The following MSI2 variants were observed in gnomAD, a reference collection of about 807,000 sequenced individuals.
MSI2 encodes the protein musashi RNA binding protein 2, also known as RNA-binding protein Musashi homolog 2.
A neutral mutation model predicts 45.6 loss-of-function variants in MSI2; 17 were observed. That is an observed-to-expected ratio of 0.37 (90% confidence interval 0.26 to 0.56). MSI2 has a LOEUF of 0.56. Ranked by LOEUF, MSI2 falls within the 20% of genes least tolerant of loss-of-function variation. The pLI is 0.77. For synonymous variants in MSI2, 156 were observed against 158.2 expected, an observed-to-expected ratio of 0.99 and a Z score of 0.11; for missense variants, 293 against 444.2, an observed-to-expected ratio of 0.66 and a Z score of 3.06.
rs1446170707 is a variant in MSI2 at position 57,683,719 on chromosome 17, C to CT, written c.*4204dup. On this transcript the variant is annotated 3_prime_UTR_variant, in exon 14 of 14. Coordinates refer to ENST00000284073, the MANE Select transcript of MSI2 (RefSeq NM_138962.4). The surrounding 1 kb of genome is among the most constrained non-coding windows in gnomAD (Gnocchi z 5.2). ...GAATGTGCTTCGCAAGCCAGGCTAT[C>CT]TTCCAAGGAAGGCAGACAGTGGGAG... 9.0e-6 allele frequency: 2 copies of CT among 223,250 alleles called. No individual in the cohort carries two copies. The highest frequency in any genetic ancestry group is 4.6e-5 in the African/African-American group (2 of 43,548). 13.8% of individuals were successfully genotyped at this position (223,250 alleles called of 1,614,324 possible).
At chr17:57,328,763 A>G (rs901673772) in intron 5 of MSI2, among the ~76,000 whole-genome samples, 2 of 150,298 alleles carry the variant, frequency 1.3e-5, no homozygotes, top group Non-Finnish European at 3.0e-5. Flanking sequence ...CACTTGTTTG[A>G]TTATTGCCTG....
rs551311526 is a variant in MSI2 at position 57,482,088 on chromosome 17, G to A, written c.406-47588G>A. 4.6e-5 allele frequency among the ~76,000 whole-genome samples: 7 copies of A among 152,218 alleles called. No homozygotes were observed. In the South Asian group the frequency reaches 1.2e-3, roughly 27 times the overall value. On this transcript the variant is annotated intron_variant, in intron 6 of 13. Transcript: ENST00000284073. Reference sequence around the variant, plus strand: ...AGATAATGCATTACGTACAACCTTCGGCCACATGATAAATTGCCTGTTTAT... The same window carrying A: ...AGATAATGCATTACGTACAACCTTCAGCCACATGATAAATTGCCTGTTTAT...
At chr17:57,499,918 A>G (rs2086065374) in intron 6 of MSI2, among the ~76,000 whole-genome samples, 1 of 151,464 alleles carries the variant, frequency 6.6e-6, no homozygotes, top group South Asian at 2.1e-4. Flanking sequence ...AAATGTTTCC[A>G]CAGACAAGGC....
At chr17:57,515,886 G>A (rs2086460321) in intron 6 of MSI2, among the ~76,000 whole-genome samples, 1 of 152,018 alleles carries the variant, frequency 6.6e-6, no homozygotes, top group Non-Finnish European at 1.5e-5. Context: ...GCCCCCTTGT[G>A]GTTTCTTTTT....
intron 7 of MSI2, among the ~76,000 whole-genome samples, chr17:57,581,649 G>T (rs559226843): frequency 6.6e-5 from 10 of 152,302 alleles, no homozygotes; most frequent in African/African-American, 1.9e-4. Context: ...GAGGGGCTGA[G>T]GGTGAACCCC....
chr17:57,434,347 G>T (rs371095426), intron 6 of MSI2, among the ~76,000 whole-genome samples: 1 of 152,138 alleles, frequency 6.6e-6, no homozygotes, highest in Non-Finnish European at 1.5e-5. Flanking sequence ...CAATCTGCCC[G>T]CCTCGGCCTC....
intron 5 of MSI2, chr17:57,263,990 C>T (rs2143203865): frequency 6.6e-6 from 1 of 152,386 alleles, no homozygotes; most frequent in East Asian, 1.9e-4. Context: ...TCTCCTGGGG[C>T]ATTTGGCTGT....
At chr17:57,488,229 T>G (rs1215664984) in intron 6 of MSI2, among the ~76,000 whole-genome samples, 4 of 151,834 alleles carry the variant, frequency 2.6e-5, no homozygotes, top group Non-Finnish European at 5.9e-5. Flanking sequence ...CAACATCAGC[T>G]CCCTTCTCCT....
chr17:57,632,941 C>T, intron 10 of MSI2: 1 of 1,056,202 alleles, frequency 9.5e-7, no homozygotes, highest in East Asian at 5.3e-5. Context: ...GCAGGCTTTT[C>T]CATGAGTATT....
chr17:57,372,619 T>A (rs2083436898), intron 5 of MSI2, among the ~76,000 whole-genome samples: 1 of 152,250 alleles, frequency 6.6e-6, no homozygotes, highest in Admixed American at 6.5e-5. Context: ...CTGTTTCTTT[T>A]ATTACACATT....
intron 5 of MSI2, among the ~76,000 whole-genome samples, chr17:57,314,166 G>A (rs1399458700): frequency 6.6e-6 from 1 of 152,122 alleles, no homozygotes; most frequent in African/African-American, 2.4e-5. Flanking sequence ...GAGTGCACAT[G>A]TATAAATTGT....
chr17:57,479,537 T>A (rs1212586669), intron 6 of MSI2, among the ~76,000 whole-genome samples: 1 of 152,200 alleles, frequency 6.6e-6, no homozygotes, highest in Admixed American at 6.5e-5. Flanking sequence ...AAATGATAAT[T>A]ATATTTAATT....
intron 7 of MSI2, among the ~76,000 whole-genome samples, chr17:57,582,296 GC>G (rs1261854786): frequency 4.6e-5 from 7 of 151,768 alleles, no homozygotes; most frequent in South Asian, 2.1e-4. Flanking sequence ...TTAGCATGCC[GC>G]CCCCCAATAT....
chr17:57,431,675 T>C (rs1258146387), intron 6 of MSI2, among the ~76,000 whole-genome samples: 1 of 152,254 alleles, frequency 6.6e-6, no homozygotes, highest in African/African-American at 2.4e-5. Flanking sequence ...TCTTCCTGTC[T>C]GGCAGATTGC....
At chr17:57,374,457 T>C (rs2083464181) in intron 5 of MSI2, among the ~76,000 whole-genome samples, 1 of 152,214 alleles carries the variant, frequency 6.6e-6, no homozygotes, top group Non-Finnish European at 1.5e-5. Flanking sequence ...TTGAGGAACC[T>C]ACATTTTCCC....
At chr17:57,333,504 C>A (rs1914443575) in intron 5 of MSI2, among the ~76,000 whole-genome samples, 1 of 151,216 alleles carries the variant, frequency 6.6e-6, no homozygotes, top group African/African-American at 2.4e-5. Flanking sequence ...GTGGCACAAT[C>A]TCCTCTCACT....
Position 57,524,240 on chromosome 17 carries a change from C to T in MSI2, c.406-5436C>T, listed in dbSNP as rs189391478. Among the ~76,000 whole-genome samples the T allele has an allele frequency of 3.2e-4, 48 of 152,320 alleles. 1 individual carries two copies. Among genetic ancestry groups the T allele is most frequent in the African/African-American group, 1.1e-3 (44 of 41,564 alleles). On this transcript the variant is annotated intron_variant, in intron 6 of 13. Coordinates refer to ENST00000284073, the MANE Select transcript of MSI2 (RefSeq NM_138962.4). ...AAAACAGGCATACTCTTCCCCCCACCGCATTTTATTAGCCCTAACAAATTA... is the reference window on the plus strand; with the variant it reads ...AAAACAGGCATACTCTTCCCCCCACTGCATTTTATTAGCCCTAACAAATTA...
chr17:57,639,302 C>T (rs1209180363), intron 10 of MSI2, among the ~76,000 whole-genome samples: 1 of 152,222 alleles, frequency 6.6e-6, no homozygotes, highest in Non-Finnish European at 1.5e-5. Context: ...ACCTAGAGGG[C>T]CAGCAGGAGG....
intron 5 of MSI2, among the ~76,000 whole-genome samples, chr17:57,277,512 T>G (rs1353137430): frequency 7.2e-5 from 11 of 152,218 alleles, no homozygotes; most frequent in Admixed American, 7.2e-4. Context: ...CACTTTGCCT[T>G]GCAGCTCCAT....
Sources: allele counts gnomAD v4.1 joint callset (sites outside exome capture counted in the v4.1 genomes callset), GRCh38; gene constraint gnomAD v4.1.1; non-coding constraint Gnocchi (gnomAD v3.1); transcripts MANE v1.5; gene names NCBI Gene and HGNC (gene_info 2026-07-23, HGNC 2026-07-21).